Variants in TUSC3 observed in about 807,000 individuals in gnomAD.
The protein encoded by TUSC3 is tumor suppressor candidate 3.
A neutral mutation model predicts 44.8 loss-of-function variants in TUSC3; 45 were observed. That is an observed-to-expected ratio of 1.00 (90% CI 0.79 to 1.29). The LOEUF (loss-of-function observed/expected upper bound fraction) is 1.29, where lower values mean the gene tolerates loss of function less well. Among genes scored for constraint, TUSC3 ranks in the 50% most tolerant of loss-of-function variants. The pLI is 0.00. For missense variants in TUSC3, 519 were observed against 437.9 expected (o/e 1.19, Z -1.65); for synonymous variants, 212 against 152.9 (o/e 1.39, Z -2.85).
chr8:15,429,186 A>C (rs1282806020), intron 1 of TUSC3, among the ~76,000 whole-genome samples: 4 of 152,148 alleles, frequency 2.6e-5, no homozygotes, highest in Non-Finnish European at 5.9e-5. Context: ...CTTTCTACAT[A>C]TGGCTAGCCA....
At chr8:15,643,500 A>T (rs555097498) in intron 2 of TUSC3, among the ~76,000 whole-genome samples, 5 of 151,806 alleles carry the variant, frequency 3.3e-5, no homozygotes, top group African/African-American at 7.2e-5. Flanking sequence ...AACATATTTT[A>T]TGTTCATATA....
intron 6 of TUSC3, among the ~76,000 whole-genome samples, chr8:15,727,666 G>C (rs943762287): frequency 1.3e-5 from 2 of 152,106 alleles, no homozygotes; most frequent in South Asian, 4.1e-4. Context: ...AGCACACTAA[G>C]TTCACTTGTG....
intron 1 of TUSC3, among the ~76,000 whole-genome samples, chr8:15,570,954 G>GT (rs549277334): frequency 0.022 from 975 of 44,492 alleles, 216 homozygotes; most frequent in Non-Finnish European, 0.03. Flanking sequence ...TTGCCTATTA[G>GT]TTTTTTTTTT....
chr8:15,512,199 G>C (rs757810699), intron 2 of TUSC3, among the ~76,000 whole-genome samples: 3 of 152,188 alleles, frequency 2.0e-5, no homozygotes, highest in South Asian at 2.1e-4. Context: ...CGATACTCTA[G>C]ATATTTCTGT....
chr8:15,437,776 C>T (rs1799968512), intron 1 of TUSC3, among the ~76,000 whole-genome samples: 1 of 152,154 alleles, frequency 6.6e-6, no homozygotes, highest in Non-Finnish European at 1.5e-5. Context: ...AGGATCTATA[C>T]CTCGAGTTTC....
chr8:15,734,971 C>T (rs28726070), intron 7 of TUSC3, among the ~76,000 whole-genome samples: 1,827 of 152,212 alleles, frequency 0.012, 37 homozygotes, highest in African/African-American at 0.042. Flanking sequence ...AGATGCAGTG[C>T]AATTAATATG....
chr8:15,717,998 G>C (rs1218790470), intron 6 of TUSC3, among the ~76,000 whole-genome samples: 1 of 151,974 alleles, frequency 6.6e-6, no homozygotes, highest in African/African-American at 2.4e-5. Flanking sequence ...GTTTTGTATT[G>C]TGTTTTGCAT....
At chr8:15,438,001 A>G (rs938858476) in intron 1 of TUSC3, among the ~76,000 whole-genome samples, 1 of 152,208 alleles carries the variant, frequency 6.6e-6, no homozygotes, top group Non-Finnish European at 1.5e-5. Context: ...AGGTCTTTCT[A>G]CTTCTTACCA....
At chr8:15,727,966 A>G (rs1490044187) in intron 6 of TUSC3, among the ~76,000 whole-genome samples, 6 of 152,202 alleles carry the variant, frequency 3.9e-5, no homozygotes, top group South Asian at 2.1e-4. Flanking sequence ...GACTGTCTCT[A>G]AAGCCTTTCC....
At chr8:15,811,918 A>C in the TUSC3 span, among the ~76,000 whole-genome samples, 71 of 152,054 alleles carry the variant, frequency 4.7e-4, 1 homozygote, top group East Asian at 1.9e-4. Context: ...GAAAAGAAAA[A>C]AAAACAGTAA....
chr8:15,809,674 TTCTC>T, the TUSC3 span, among the ~76,000 whole-genome samples: 7 of 152,346 alleles, frequency 4.6e-5, no homozygotes, highest in Middle Eastern at 3.4e-3. Flanking sequence ...TGAATGTAGT[TTCTC>T]TCTCTGTCTC....
intron 6 of TUSC3, among the ~76,000 whole-genome samples, chr8:15,728,060 G>C (rs1224151173): frequency 3.3e-5 from 5 of 152,142 alleles, no homozygotes; most frequent in Admixed American, 3.3e-4. Flanking sequence ...GACAAAGTGT[G>C]ATTTATTTTA....
At chr8:15,436,291 A>G (rs931016424) in intron 1 of TUSC3, among the ~76,000 whole-genome samples, 36 of 152,346 alleles carry the variant, frequency 2.4e-4, no homozygotes, top group African/African-American at 7.7e-4. Flanking sequence ...GAAAGGAAGT[A>G]GATCCCTGCC....
chr8:15,534,164 C>G (rs1455438955), intron 2 of TUSC3, among the ~76,000 whole-genome samples: 1 of 151,988 alleles, frequency 6.6e-6, no homozygotes, highest in Admixed American at 6.6e-5. Flanking sequence ...ATTTTCCATT[C>G]ACAGCCTTAT....
chr8:15,462,028 A>G (rs1800352619), intron 1 of TUSC3, among the ~76,000 whole-genome samples: 1 of 152,082 alleles, frequency 6.6e-6, no homozygotes, highest in African/African-American at 2.4e-5. Flanking sequence ...ACTTTTGAGC[A>G]AGTCATAAGA....
At chr8:15,807,291 A>G in the TUSC3 span, 1 of 554,316 alleles carries the variant, frequency 1.8e-6, no homozygotes, top group African/African-American at 1.9e-5. Context: ...ATTATGTCAT[A>G]ATCCTGTAGG....
chr8:15,838,117 A>G, the TUSC3 span, among the ~76,000 whole-genome samples: 1 of 152,218 alleles, frequency 6.6e-6, no homozygotes, highest in Non-Finnish European at 1.5e-5. Flanking sequence ...CCTCCTGCGA[A>G]TATCACTTGT....
intron 1 of TUSC3, among the ~76,000 whole-genome samples, chr8:15,418,632 G>A (rs929862507): frequency 6.6e-6 from 1 of 152,166 alleles, no homozygotes. Flanking sequence ...AGAGTAATCG[G>A]TCAGATGAAA....
chr8:15,655,353 G>GA (rs1198289245), intron 3 of TUSC3, among the ~76,000 whole-genome samples: 2 of 152,136 alleles, frequency 1.3e-5, no homozygotes, highest in African/African-American at 4.8e-5. Context: ...ACTAGTAAGG[G>GA]AAAAATGCCT....
Sources: allele counts gnomAD v4.1 joint callset (sites outside exome capture counted in the v4.1 genomes callset), GRCh38; gene constraint gnomAD v4.1.1; transcripts MANE v1.5; gene names NCBI Gene and HGNC (gene_info 2026-07-23, HGNC 2026-07-21).